Variants in IQCM observed in about 807,000 individuals in gnomAD.
The protein encoded by IQCM is IQ domain-containing protein M.
A neutral mutation model predicts 57.6 loss-of-function variants in IQCM; 45 were observed. The observed-to-expected ratio is 0.78, with a 90% CI of 0.62 to 1.00. The LOEUF is 1.00. IQCM is among the 50% of genes least tolerant of loss of function. IQCM has a pLI of 0.00. For missense variants in IQCM, 468 were observed against 511.6 expected, an observed-to-expected ratio of 0.91 and a Z score of 0.82; for synonymous variants, 148 against 158.9, an observed-to-expected ratio of 0.93 and a Z score of 0.51.
At chr4:149,674,877 T>A (rs916830123) in intron 7 of IQCM, among the ~76,000 whole-genome samples, 1 of 151,960 alleles carries the variant, frequency 6.6e-6, no homozygotes, top group African/African-American at 2.4e-5. Flanking sequence ...GAGAAGAAAT[T>A]AAAAACTTGA....
chr4:149,813,268 C>T (rs1022931538), intron 2 of IQCM, among the ~76,000 whole-genome samples: 9 of 151,926 alleles, frequency 5.9e-5, no homozygotes, highest in Non-Finnish European at 1.2e-4. Context: ...TGTCAGTTTC[C>T]CACTCAAAGG....
chr4:149,529,925 A>G (rs1746563147), intron 12 of IQCM, among the ~76,000 whole-genome samples: 1 of 152,182 alleles, frequency 6.6e-6, no homozygotes, highest in Admixed American at 6.5e-5. Context: ...TCTATGACCT[A>G]GTTCTTGGCG....
At chr4:149,589,678 A>G (rs895571186) in intron 8 of IQCM, among the ~76,000 whole-genome samples, 4 of 151,960 alleles carry the variant, frequency 2.6e-5, no homozygotes, top group African/African-American at 9.7e-5. Context: ...TAACCCGGAA[A>G]ATTGTTGTGC....
chr4:149,650,005 G>A (rs1339789307), intron 7 of IQCM, among the ~76,000 whole-genome samples: 1 of 152,116 alleles, frequency 6.6e-6, no homozygotes, highest in Non-Finnish European at 1.5e-5. Flanking sequence ...CTATGAATGA[G>A]TTAAAACAAT....
intron 2 of IQCM, 85 bp downstream of exon 2, chr4:149,815,226 G>A (rs1774941147): frequency 2.0e-5 from 3 of 151,886 alleles, no homozygotes; most frequent in Admixed American, 1.3e-4. Context: ...AGGCACATGA[G>A]GATGCAATGC....
chr4:149,712,031 G>C (rs1260730257), intron 5 of IQCM, among the ~76,000 whole-genome samples: 1 of 152,174 alleles, frequency 6.6e-6, no homozygotes, highest in Non-Finnish European at 1.5e-5. Context: ...ACCAAAACCA[G>C]AAGGATTTGG....
At chr4:149,723,916 T>G (rs546929980) in intron 5 of IQCM, among the ~76,000 whole-genome samples, 260 of 135,860 alleles carry the variant, frequency 1.9e-3, no homozygotes, top group African/African-American at 5.9e-3. Flanking sequence ...TCTGGGCCTG[T>G]GCTTTTTTTT....
chr4:149,544,741 T>C (rs946470158), intron 12 of IQCM, among the ~76,000 whole-genome samples: 1 of 152,104 alleles, frequency 6.6e-6, no homozygotes. Flanking sequence ...AATAAACCCA[T>C]GCATTTATAT....
intron 7 of IQCM, among the ~76,000 whole-genome samples, chr4:149,651,708 A>C (rs1462457103): frequency 1.3e-5 from 2 of 152,208 alleles, no homozygotes; most frequent in Non-Finnish European, 2.9e-5. Context: ...AAATGTTGAC[A>C]CTAACACTAT....
intron 13 of IQCM, among the ~76,000 whole-genome samples, chr4:149,419,738 C>G (rs1335057559): frequency 6.6e-6 from 1 of 151,990 alleles, no homozygotes; most frequent in African/African-American, 2.4e-5. Flanking sequence ...TTGCAATCTA[C>G]CCATCTGACA....
At chr4:149,534,163 A>T (rs1344247833) in intron 12 of IQCM, among the ~76,000 whole-genome samples, 1 of 152,090 alleles carries the variant, frequency 6.6e-6, no homozygotes, top group African/African-American at 2.4e-5. Flanking sequence ...TCACTTTACA[A>T]TTTATTTAAA....
chr4:149,353,866 C>G (rs1228046401), intron 13 of IQCM, among the ~76,000 whole-genome samples: 2 of 152,096 alleles, frequency 1.3e-5, no homozygotes, highest in Admixed American at 6.6e-5. Flanking sequence ...AATGCTCAAC[C>G]TGAGGACCAC....
At chr4:149,810,392 G>C (rs1453737216) in intron 2 of IQCM, among the ~76,000 whole-genome samples, 2 of 150,718 alleles carry the variant, frequency 1.3e-5, no homozygotes, top group Non-Finnish European at 3.0e-5. Flanking sequence ...AAAAGTTGGA[G>C]TGCTTATACC....
intron 10 of IQCM, among the ~76,000 whole-genome samples, chr4:149,563,271 T>G (rs560797494): frequency 3.3e-5 from 5 of 152,164 alleles, no homozygotes; most frequent in African/African-American, 4.8e-5. Flanking sequence ...ACAACTTTAG[T>G]GCAAAGTTAT....
chr4:149,684,733 A>T (rs1762430975), intron 6 of IQCM, among the ~76,000 whole-genome samples: 3 of 151,400 alleles, frequency 2.0e-5, no homozygotes, highest in African/African-American at 7.3e-5. Flanking sequence ...GGTTTCCAAA[A>T]ATCCTTAGTC....
At chr4:149,448,168 C>T (rs759766051) in intron 12 of IQCM, among the ~76,000 whole-genome samples, 1 of 151,456 alleles carries the variant, frequency 6.6e-6, no homozygotes, top group Non-Finnish European at 1.5e-5. Context: ...AAGTTATATT[C>T]AATATGCTCT....
intron 8 of IQCM, among the ~76,000 whole-genome samples, chr4:149,616,958 CTTT>C (rs774160343): frequency 2.1e-5 from 3 of 140,768 alleles, no homozygotes; most frequent in Non-Finnish European, 1.6e-5. Flanking sequence ...TATCCTGGAA[CTTT>C]TTTTTTTTTT....
intron 12 of IQCM, among the ~76,000 whole-genome samples, chr4:149,460,066 C>G (rs1360501267): frequency 6.6e-6 from 1 of 152,132 alleles, no homozygotes; most frequent in East Asian, 1.9e-4. Flanking sequence ...TTCTCCACAT[C>G]TTCACCAACA....
intron 13 of IQCM, among the ~76,000 whole-genome samples, chr4:149,408,927 C>T (rs1368673228): frequency 6.6e-6 from 1 of 152,294 alleles, no homozygotes; most frequent in East Asian, 1.9e-4. Flanking sequence ...CACCTTGCTT[C>T]AACCTAGCTG....
Sources: allele counts gnomAD v4.1 joint callset (sites outside exome capture counted in the v4.1 genomes callset), GRCh38; gene constraint gnomAD v4.1.1; transcripts MANE v1.5; gene names NCBI Gene and HGNC (gene_info 2026-07-23, HGNC 2026-07-21).